The following TTF2 variants were observed in gnomAD, a reference collection of about 807,000 sequenced individuals.
TTF2 encodes RNA polymerase II termination factor.
TTF2 carries 108 observed loss-of-function variants against 142.4 expected under a neutral mutation model. The observed-to-expected ratio is 0.76, with a 90% CI of 0.65 to 0.89. The LOEUF (loss-of-function observed/expected upper bound fraction) is 0.89. Among genes scored for constraint, TTF2 ranks in the 40% least tolerant of loss-of-function variants. TTF2 has a pLI of 0.00. For synonymous variants in TTF2, 483 were observed against 506.2 expected (o/e 0.95, Z 0.61); for missense variants, 1,327 against 1,379.8 (o/e 0.96, Z 0.61).
chr1:117,094,446 C>T (rs1259370366), intron 18 of TTF2, among the ~76,000 whole-genome samples: 2 of 152,134 alleles, frequency 1.3e-5, no homozygotes, highest in Admixed American at 1.3e-4. Flanking sequence ...CAGCTGCACT[C>T]CAAAGTCATG....
At position 117,076,955 on chromosome 1, in the gene TTF2, C is replaced by G. The variant is rs1657061824; in HGVS notation, c.1573+132C>G. 1 of 664,178 alleles carries G rather than the reference C, an allele frequency of 1.5e-6. No individual in the cohort carries two copies. The highest frequency in any genetic ancestry group is 2.4e-6 in the Non-Finnish European group (1 of 423,304). The allele number at this position is 664,178 out of a possible 1,614,324, so 41.1% of individuals were successfully genotyped here. A position where few individuals can be genotyped will look rare whatever the true frequency, so the allele number is the denominator to read the frequency against. On this transcript the variant is annotated intron_variant, in intron 7 of 22. Coordinates refer to ENST00000369466, the MANE Select transcript of TTF2 (RefSeq NM_003594.4). This position sits in a 1 kb window ranked among gnomAD's most constrained non-coding sequence, Gnocchi z 4.6. ...CCTGTGGTTCAAAAAAAGGTGAGTA[C>G]AGTACAGTAAGATATTTTGAGAGAG...
intron 3 of TTF2, among the ~76,000 whole-genome samples, chr1:117,068,400 T>TG (rs1349023157): frequency 6.6e-6 from 1 of 151,370 alleles, no homozygotes; most frequent in African/African-American, 2.4e-5. Flanking sequence ...GTTGTGGGGT[T>TG]GGGGGAGAGG....
rs1421994986 is a variant in TTF2 at position 117,078,008 on chromosome 1, G to A, written c.1666G>A (p.Glu556Lys). 1.2e-6 allele frequency: 2 copies of A among 1,614,184 alleles called. No individual in the cohort carries two copies. Among genetic ancestry groups the A allele is most frequent in the South Asian group, 2.2e-5 (2 of 91,080 alleles). ...TCGCTCACTTGAGTCATGTCCTGGT[G>A]AGACGGTTGTGGCAGAAGATCCCGC... ...LHRSLESCPG[E>K]TVVAEDPAGL... The change falls in exon 8 of 23, where the codon GAG becomes AAG. Residue 556 changes from glutamate to lysine, a missense_variant. Glu to Lys is a moderately conservative substitution (Grantham distance 56, BLOSUM62 1). Coordinates refer to ENST00000369466, the MANE Select transcript of TTF2 (RefSeq NM_003594.4).
In TTF2 at chr1:117,088,862, A is replaced by G. The variant is rs761340966; in HGVS notation, c.2222A>G (p.Asn741Ser). The G allele has an allele frequency of 3.7e-6, 6 of 1,614,082 alleles. No individual in the cohort carries two copies. In the African/African-American group the frequency reaches 6.7e-5, roughly 18 times the overall value. Residue 741 changes from asparagine to serine, a missense_variant, in exon 13 of 23, where the codon AAT (asparagine) becomes AGT (serine). Transcript: ENST00000369466. ...WARIILDEAHNVKNPRVQTSI... is the reference protein window; with the variant it reads ...WARIILDEAHSVKNPRVQTSI... ...CGAATCATATTGGATGAAGCTCACA[A>G]TGTTAAGAATCCCCGAGTGCAGACT... is the stretch of plus-strand genomic sequence containing the variant.
chr1:117,066,718 T>A (rs74440613), intron 3 of TTF2, among the ~76,000 whole-genome samples: 982 of 65,988 alleles, frequency 0.015, 14 homozygotes, highest in African/African-American at 0.043. Context: ...TTTTTTTTTT[T>A]AAAAGACAGA....
intron 11 of TTF2, among the ~76,000 whole-genome samples, chr1:117,084,415 G>C (rs1368197982): frequency 6.6e-6 from 1 of 152,194 alleles, no homozygotes; most frequent in African/African-American, 2.4e-5. Context: ...AGATGCCGGA[G>C]CTGCCATTCA....
At chr1:117,072,524 A>G (rs1476870367) in intron 3 of TTF2, among the ~76,000 whole-genome samples, 1 of 147,032 alleles carries the variant, frequency 6.8e-6, no homozygotes. Flanking sequence ...TCCCGGGTTC[A>G]AGCGATTCTC....
chr1:117,071,962 C>A (rs1040175681), intron 3 of TTF2, among the ~76,000 whole-genome samples: 1 of 152,000 alleles, frequency 6.6e-6, no homozygotes, highest in African/African-American at 2.4e-5. Context: ...CAAGCAGGTA[C>A]GACTTAAGAT....
At position 117,071,660 on chromosome 1, in the gene TTF2, CAATT is replaced by C. The variant is rs145137212; in HGVS notation, c.219-1998_219-1995del. Reference sequence around the variant, plus strand: ...TATATTTTTAAAGCTCTTATTTAATCAATTAAAAGTTTTTGAGGAGTTATTTTAG... The same window carrying C: ...TATATTTTTAAAGCTCTTATTTAATCAAAAGTTTTTGAGGAGTTATTTTAG... On this transcript the variant is annotated intron_variant, in intron 3 of 22. Coordinates refer to ENST00000369466, the MANE Select transcript of TTF2 (RefSeq NM_003594.4). Among the ~76,000 whole-genome samples the C allele has an allele frequency of 7.3e-3, 1,118 of 152,130 alleles. 18 individuals carry two copies. The highest frequency in any genetic ancestry group is 0.026 in the African/African-American group (1,077 of 41,484).
intron 12 of TTF2, among the ~76,000 whole-genome samples, chr1:117,088,060 C>G (rs1321133606): frequency 1.3e-5 from 2 of 152,130 alleles, no homozygotes; most frequent in Non-Finnish European, 2.9e-5. Context: ...ATTTTGAGCT[C>G]TTGCAGGTAG....
In TTF2 at chr1:117,092,871, G is replaced by A; in HGVS notation, c.2946G>A (p.Glu982=). The change falls in exon 18 of 23, where the codon GAG becomes GAA. Residue 982 remains glutamate (E), a synonymous_variant. Coordinates refer to ENST00000369466, the MANE Select transcript of TTF2 (RefSeq NM_003594.4). This position sits in a 1 kb window ranked among gnomAD's most constrained non-coding sequence, Gnocchi z 4.4. ...VSLNGTFFKM[E]LFEGMRESTK... is the part of the protein sequence containing the mutation. The stretch of plus-strand genomic sequence containing the variant: ...TTAACGGCACCTTCTTCAAGATGGA[G>A]CTTTTTGAAGGCATGCGAGAGAGCA... 1 of 1,614,200 alleles carries A rather than the reference G, an allele frequency of 6.2e-7. No homozygotes were observed. The highest frequency in any genetic ancestry group is 2.2e-5 in the East Asian group (1 of 44,882).
At position 117,092,692 on chromosome 1, in the gene TTF2, T is replaced by G; in HGVS notation, c.2806-39T>G. 1 of 1,593,298 alleles carries G rather than the reference T, an allele frequency of 6.3e-7. No homozygotes were observed. The highest frequency in any genetic ancestry group is 8.6e-7 in the Non-Finnish European group (1 of 1,169,424). ...TCAACAAGTAACAAGGTTTGCTCCC[T>G]TGACTCCCAGCTGCTCCTGTCCTTT... On this transcript the variant is annotated intron_variant, in intron 17 of 22. Transcript: ENST00000369466. This position sits in a 1 kb window ranked among gnomAD's most constrained non-coding sequence, Gnocchi z 4.4.
chr1:117,089,068 A>G (rs1378040468), intron 13 of TTF2, 86 bp downstream of exon 13: 3 of 1,393,240 alleles, frequency 2.2e-6, no homozygotes, highest in Non-Finnish European at 2.9e-6. Flanking sequence ...AAGCCTTAGT[A>G]TGTGCCAGAT....
In TTF2 at chr1:117,084,068, C is replaced by G; in HGVS notation, c.1954C>G (p.Leu652Val). 1.2e-6 allele frequency: 2 copies of G among 1,614,220 alleles called. No individual in the cohort carries two copies. Among genetic ancestry groups the G allele is most frequent in the Non-Finnish European group, 1.7e-6 (2 of 1,180,036 alleles). ...AACACTAATCATCTGTCCTGCCTCC[C>G]TGATCCATCATTGGAAAAATGAGGT... ...HGTLIICPAS[L>V]IHHWKNEVEK... is the part of the protein sequence containing the mutation. Residue 652 changes from leucine (L) to valine (V), a missense_variant, in exon 11 of 23, where the codon CTG becomes GTG. Transcript: ENST00000369466.
Position 117,062,430 on chromosome 1 carries a change from G to T in TTF2, c.175G>T (p.Glu59Ter). The change falls in exon 3 of 23, where the codon GAG becomes TAG. Residue 59 changes from glutamate to a stop codon, truncating the protein, a stop_gained. Coordinates refer to ENST00000369466, the MANE Select transcript of TTF2 (RefSeq NM_003594.4). LOFTEE classifies it high-confidence loss of function. ...CTTATTGCATGAGGACTTTGTGGTA[G>T]AGCTTCAGGGTTTGCTTCTGCCACA... is the stretch of plus-strand genomic sequence containing the variant. The part of the protein sequence containing the change: ...HCLLHEDFVV[E>*]LQGLLLPQDK... 6.2e-7 allele frequency: 1 copy of T among 1,612,818 alleles called. No homozygotes were observed.
chr1:117,104,261 T>TA lies in TTF2; in HGVS notation c.*2741dup. The TA allele has an allele frequency of 6.6e-6, 1 of 152,336 alleles. No individual in the cohort carries two copies. Among genetic ancestry groups the TA allele is most frequent in the South Asian group, 2.1e-4 (1 of 4,828 alleles). 9.4% of individuals were successfully genotyped at this position (152,336 alleles called of 1,614,324 possible). On this transcript the variant is annotated 3_prime_UTR_variant, in exon 23 of 23. Transcript: ENST00000369466. The stretch of plus-strand genomic sequence containing the variant: ...TTGGACATCTCAATCCTTTCATCTG[T>TA]AAAATGTGTGGATTAGCATGTATCT...
At chr1:117,064,568 A>G (rs1655937744) in intron 3 of TTF2, among the ~76,000 whole-genome samples, 1 of 152,142 alleles carries the variant, frequency 6.6e-6, no homozygotes, top group Non-Finnish European at 1.5e-5. Flanking sequence ...TCCAGGCTGG[A>G]GTGCCGTGGT....
In TTF2 at chr1:117,075,195, G is replaced by A; in HGVS notation, c.611G>A (p.Cys204Tyr). The A allele has an allele frequency of 6.2e-7, 1 of 1,614,204 alleles. No individual in the cohort carries two copies. The change falls in exon 5 of 23, where the codon TGT (cysteine) becomes TAT (tyrosine). Residue 204 changes from cysteine (C) to tyrosine (Y), a missense_variant. Coordinates refer to ENST00000369466, the MANE Select transcript of TTF2 (RefSeq NM_003594.4). The surrounding 1 kb of genome is among the most constrained non-coding windows in gnomAD (Gnocchi z 4.5). Reference sequence around the variant, plus strand: ...CAAGAAGAGGGAGCAGAGATTCAGTGTGAGGCAGAGACTGGAGGCACACAC... The same window carrying A: ...CAAGAAGAGGGAGCAGAGATTCAGTATGAGGCAGAGACTGGAGGCACACAC... ...KKQEEGAEIQ[C>Y]EAETGGTHKR...
In TTF2 at chr1:117,084,095, G is replaced by A; in HGVS notation, c.1981G>A (p.Glu661Lys). The part of the protein sequence containing the change: ...SLIHHWKNEV[E>K]KRVNSNKLRV... ...GATCCATCATTGGAAAAATGAGGTGGAGAAACGGGTGAACAGCAACAAACT... is the reference window on the plus strand; with the variant it reads ...GATCCATCATTGGAAAAATGAGGTGAAGAAACGGGTGAACAGCAACAAACT... Residue 661 changes from glutamate (E) to lysine (K), a missense_variant, in exon 11 of 23, where the codon GAG becomes AAG. By Grantham distance (56) the Glu-to-Lys change is moderately conservative. Transcript: ENST00000369466. 6.2e-7 allele frequency: 1 copy of A among 1,614,162 alleles called. No individual in the cohort carries two copies. Among genetic ancestry groups the A allele is most frequent in the South Asian group, 1.1e-5 (1 of 91,076 alleles).
Sources: gnomAD v4.1 joint callset for allele counts (sites outside exome capture counted in the v4.1 genomes callset) on GRCh38, gnomAD v4.1.1 for gene constraint, Gnocchi (gnomAD v3.1) non-coding constraint, MANE v1.5 for transcripts, NCBI Gene and HGNC (gene_info 2026-07-23, HGNC 2026-07-21) for gene names.